Variants in PTK2 observed in about 807,000 individuals in gnomAD.
PTK2 encodes the protein focal adhesion kinase 1.
PTK2 carries 45 observed loss-of-function variants against 150.1 expected under a neutral mutation model. The observed-to-expected ratio is 0.30, with a 90% confidence interval of 0.24 to 0.38. The LOEUF is 0.38. Among genes scored for constraint, PTK2 ranks in the 10% least tolerant of loss-of-function variants. PTK2 has a pLI of 1.00. For synonymous variants in PTK2, 432 were observed against 449.2 expected (o/e 0.96, Z 0.48); for missense variants, 919 against 1,307.3 (o/e 0.70, Z 4.58).
chr8:140,795,006 G>A (rs2100090766), intron 12 of PTK2, among the ~76,000 whole-genome samples: 2 of 152,132 alleles, frequency 1.3e-5, no homozygotes, highest in African/African-American at 2.4e-5. Context: ...ACAGGGCCTT[G>A]CTGCTCCCCA....
At chr8:140,962,778 CAAA>C (rs926568849) in intron 1 of PTK2, among the ~76,000 whole-genome samples, 1 of 142,230 alleles carries the variant, frequency 7.0e-6, no homozygotes, top group Non-Finnish European at 1.5e-5. Flanking sequence ...GAGACTCCCT[CAAA>C]AAAAAAAACC....
intron 2 of PTK2, among the ~76,000 whole-genome samples, chr8:140,904,075 T>C (rs988427392): frequency 2.0e-5 from 3 of 152,228 alleles, no homozygotes; most frequent in Admixed American, 2.0e-4. Flanking sequence ...CCTTGTCTTG[T>C]GCCAGTTTTC....
At chr8:140,719,887 CAAAAAAAAAA>C (rs71308987) in intron 22 of PTK2, among the ~76,000 whole-genome samples, 8,685 of 90,910 alleles carry the variant, frequency 0.096, 345 homozygotes, top group East Asian at 0.13. Context: ...CTTGTCTCAC[CAAAAAAAAAA>C]AAAAAAAAAA....
intron 4 of PTK2, among the ~76,000 whole-genome samples, chr8:140,873,623 G>A (rs537319297): frequency 1.8e-4 from 28 of 152,154 alleles, no homozygotes; most frequent in African/African-American, 5.5e-4. Flanking sequence ...CCGCCATGAC[G>A]CCTGGTAATT....
chr8:140,751,997 A>G (rs1239134280), intron 17 of PTK2: 1 of 670,204 alleles, frequency 1.5e-6, no homozygotes. Flanking sequence ...CCTAAGTACC[A>G]AAGTATAAAG....
At chr8:140,981,529 G>A (rs764339695) in intron 1 of PTK2, among the ~76,000 whole-genome samples, 2 of 152,204 alleles carry the variant, frequency 1.3e-5, no homozygotes, top group Non-Finnish European at 2.9e-5. Context: ...CCCTCTACAC[G>A]AGAACAGCAA....
intron 1 of PTK2, among the ~76,000 whole-genome samples, chr8:140,964,838 A>T (rs1482807904): frequency 6.6e-6 from 1 of 152,138 alleles, no homozygotes; most frequent in Non-Finnish European, 1.5e-5. Flanking sequence ...AGGAACAAAA[A>T]TTCAAAGACA....
exon 32 of PTK2, chr8:140,658,011 T>G (rs1349615254): frequency 6.6e-6 from 1 of 152,210 alleles, no homozygotes; most frequent in Non-Finnish European, 1.5e-5. Flanking sequence ...CTCCCTGCTC[T>G]GTGGCTCACA....
intron 14 of PTK2, among the ~76,000 whole-genome samples, chr8:140,785,898 C>T (rs1031650800): frequency 6.6e-6 from 1 of 152,180 alleles, no homozygotes; most frequent in Non-Finnish European, 1.5e-5. Context: ...CAATCCCACA[C>T]GAGTTAATAC....
intron 14 of PTK2, among the ~76,000 whole-genome samples, chr8:140,784,580 C>T (rs2100083779): frequency 6.6e-6 from 1 of 152,154 alleles, no homozygotes; most frequent in African/African-American, 2.4e-5. Flanking sequence ...TGGTTAAGCA[C>T]TCCCTCCCCA....
chr8:140,873,668 G>A (rs762955731), intron 4 of PTK2, among the ~76,000 whole-genome samples: 14 of 152,154 alleles, frequency 9.2e-5, no homozygotes, highest in South Asian at 2.1e-4. Context: ...GTTTCACCAC[G>A]TTAGTCAGGC....
At chr8:140,670,288 T>A (rs534299257) in intron 29 of PTK2, 1 of 151,908 alleles carries the variant, frequency 6.6e-6, no homozygotes, top group Non-Finnish European at 1.5e-5. Context: ...AAACCCTGTC[T>A]CTACTAAAAA....
intron 1 of PTK2, among the ~76,000 whole-genome samples, chr8:140,963,093 C>T (rs2100183958): frequency 6.6e-6 from 1 of 152,016 alleles, no homozygotes; most frequent in Non-Finnish European, 1.5e-5. Context: ...ACCACTGATA[C>T]CAACACGCAC....
intron 5 of PTK2, among the ~76,000 whole-genome samples, chr8:140,860,930 C>T (rs1036313150): frequency 6.6e-6 from 1 of 152,208 alleles, no homozygotes; most frequent in Admixed American, 6.5e-5. Flanking sequence ...CATGACTATA[C>T]TTTCTTTTAA....
chr8:140,784,661 A>G (rs903627130), intron 14 of PTK2, among the ~76,000 whole-genome samples: 2 of 152,138 alleles, frequency 1.3e-5, no homozygotes, highest in South Asian at 2.1e-4. Flanking sequence ...TGACTTTCAG[A>G]TATGTTCCAA....
intron 14 of PTK2, among the ~76,000 whole-genome samples, chr8:140,775,216 G>A (rs1004934256): frequency 2.0e-5 from 3 of 152,192 alleles, no homozygotes; most frequent in Non-Finnish European, 4.4e-5. Context: ...CAGGCATGGT[G>A]GCTCATGCCT....
intron 23 of PTK2, among the ~76,000 whole-genome samples, chr8:140,711,985 G>A (rs4961230): frequency 0.26 from 39,164 of 151,968 alleles, 5,699 homozygotes; most frequent in Admixed American, 0.37. Context: ...GCCGTGCTGG[G>A]TTTGATTAGG....
At chr8:140,761,223 C>T in exon 16 of PTK2, 1 of 1,613,140 alleles carries the variant, frequency 6.2e-7, no homozygotes, top group Non-Finnish European at 8.5e-7. Context: ...AATACATCGT[C>T]CAAGTTCTAT....
chr8:140,844,276 T>C (rs1416280265), intron 7 of PTK2, among the ~76,000 whole-genome samples: 6 of 152,142 alleles, frequency 3.9e-5, no homozygotes, highest in Non-Finnish European at 8.8e-5. Context: ...AATTACTTTT[T>C]CCCCACACTT....
Sources: gnomAD v4.1 joint callset for allele counts (sites outside exome capture counted in the v4.1 genomes callset) on GRCh38, gnomAD v4.1.1 for gene constraint, MANE v1.5 for transcripts, NCBI Gene and HGNC (gene_info 2026-07-23, HGNC 2026-07-21) for gene names.